EFNA5: variants seen among roughly 807,000 people sequenced by gnomAD.
EFNA5 encodes the protein ephrin A5.
EFNA5 carries 5 observed loss-of-function variants against 22.9 expected under a neutral mutation model. That is an observed-to-expected ratio of 0.22 (90% CI 0.11 to 0.46). EFNA5 has a LOEUF of 0.46. Ranked by LOEUF, EFNA5 falls within the 20% of genes least tolerant of loss-of-function variation. The probability of loss-of-function intolerance (pLI) is 0.99; values close to 1 mark genes in which losing one functional copy is unlikely to be tolerated. For synonymous variants in EFNA5, 113 were observed against 112.2 expected, an observed-to-expected ratio of 1.01 and a Z score of -0.04; for missense variants, 237 against 293.3, an observed-to-expected ratio of 0.81 and a Z score of 1.40.
At chr5:107,552,752 A>C (rs1239210902) in intron 1 of EFNA5, among the ~76,000 whole-genome samples, 1 of 152,230 alleles carries the variant, frequency 6.6e-6, no homozygotes, top group Admixed American at 6.5e-5. Context: ...AAATTCAGAG[A>C]AGAATGTTCT....
chr5:107,654,424 T>A (rs1321995055), intron 1 of EFNA5, among the ~76,000 whole-genome samples: 1 of 152,114 alleles, frequency 6.6e-6, no homozygotes, highest in East Asian at 1.9e-4. Flanking sequence ...TGATTAAGGC[T>A]ATATAAAATT....
At position 107,665,493 on chromosome 5, in the gene EFNA5, A is replaced by C. The variant is rs566381777; in HGVS notation, c.125+4996T>G. ...AACAAGATATTAGTTCAGTGAGCTG[A>C]TGGTTTAGTTATTACCACTAAAATC... On this transcript the variant is annotated intron_variant, in intron 1 of 4. Transcript: ENST00000333274. Among the ~76,000 whole-genome samples, 143 of 152,236 alleles carry C rather than the reference A, an allele frequency of 9.4e-4. 1 individual carries two copies. The highest frequency in any genetic ancestry group is 1.7e-3 in the Non-Finnish European group (119 of 68,042).
intron 2 of EFNA5, among the ~76,000 whole-genome samples, chr5:107,396,565 G>A (rs142534917): frequency 1.3e-5 from 2 of 152,288 alleles, no homozygotes; most frequent in Admixed American, 6.5e-5. Flanking sequence ...ATATGGAGGA[G>A]GAAGGGCTCA....
At chr5:107,460,762 T>C (rs1312630365) in intron 1 of EFNA5, among the ~76,000 whole-genome samples, 1 of 152,170 alleles carries the variant, frequency 6.6e-6, no homozygotes, top group Non-Finnish European at 1.5e-5. Flanking sequence ...TCATCAGAGA[T>C]GCTAATCAAT....
chr5:107,572,002 A>C (rs1226885963), intron 1 of EFNA5, among the ~76,000 whole-genome samples: 1 of 152,156 alleles, frequency 6.6e-6, no homozygotes, highest in African/African-American at 2.4e-5. Flanking sequence ...GTTAACAACA[A>C]AAAGAAACTG....
chr5:107,503,716 G>A lies in EFNA5; in HGVS notation c.126-76207C>T, dbSNP rs192522903. Among the ~76,000 whole-genome samples, 90 of 152,290 alleles carry A rather than the reference G, an allele frequency of 5.9e-4. 1 individual carries two copies. The Middle Eastern group carries it at 0.01, about 17-fold the overall frequency. On this transcript the variant is annotated intron_variant, in intron 1 of 4. Coordinates refer to ENST00000333274, the MANE Select transcript of EFNA5 (RefSeq NM_001962.3). Reference sequence around the variant, plus strand: ...TAAGGTCTTAAGGATAAGGCTATTTGTAACCCAAGCTATCAGCAGTCACTT... The same window carrying A: ...TAAGGTCTTAAGGATAAGGCTATTTATAACCCAAGCTATCAGCAGTCACTT...
intron 1 of EFNA5, among the ~76,000 whole-genome samples, chr5:107,589,937 T>C (rs1313302740): frequency 6.6e-6 from 1 of 152,192 alleles, no homozygotes; most frequent in Admixed American, 6.5e-5. Flanking sequence ...CCAGAAAAAG[T>C]GCTCCTGCCT....
chr5:107,490,458 C>G (rs892671712), intron 1 of EFNA5, among the ~76,000 whole-genome samples: 1 of 152,076 alleles, frequency 6.6e-6, no homozygotes, highest in African/African-American at 2.4e-5. Context: ...CCCTGAATTG[C>G]GTGACATTTT....
chr5:107,442,555 G>A (rs1195954183), intron 1 of EFNA5, among the ~76,000 whole-genome samples: 1 of 152,088 alleles, frequency 6.6e-6, no homozygotes, highest in Non-Finnish European at 1.5e-5. Context: ...TGAGCTGATT[G>A]TATTATCAAC....
At chr5:107,516,016 C>G (rs1351052446) in intron 1 of EFNA5, among the ~76,000 whole-genome samples, 1 of 152,124 alleles carries the variant, frequency 6.6e-6, no homozygotes, top group African/African-American at 2.4e-5. Context: ...AATTTTATTT[C>G]ATTTTTGAGA....
intron 1 of EFNA5, among the ~76,000 whole-genome samples, chr5:107,604,178 TTTTA>T (rs1481284737): frequency 1.3e-5 from 2 of 152,128 alleles, no homozygotes; most frequent in Non-Finnish European, 2.9e-5. Flanking sequence ...AATATTAATC[TTTTA>T]TTTATTTATT....
At chr5:107,652,801 T>C (rs1388525501) in intron 1 of EFNA5, among the ~76,000 whole-genome samples, 3 of 152,112 alleles carry the variant, frequency 2.0e-5, no homozygotes, top group Admixed American at 2.0e-4. Flanking sequence ...GTTCTTAAAC[T>C]GAATGGTAAA....
At chr5:107,640,615 AAAAC>A (rs897405285) in intron 1 of EFNA5, among the ~76,000 whole-genome samples, 7 of 152,240 alleles carry the variant, frequency 4.6e-5, no homozygotes, top group African/African-American at 1.2e-4. Context: ...AAGAACACAG[AAAAC>A]AAACAGAGAG....
At chr5:107,587,693 A>G (rs548909040) in intron 1 of EFNA5, among the ~76,000 whole-genome samples, 3 of 152,130 alleles carry the variant, frequency 2.0e-5, no homozygotes, top group East Asian at 3.9e-4. Context: ...ATTTTTTTGT[A>G]TTTTTAGTAG....
chr5:107,499,039 A>C (rs1747065901), intron 1 of EFNA5, among the ~76,000 whole-genome samples: 1 of 152,148 alleles, frequency 6.6e-6, no homozygotes, highest in African/African-American at 2.4e-5. Context: ...TGAGATTTCC[A>C]TTGGAAACAG....
intron 1 of EFNA5, among the ~76,000 whole-genome samples, chr5:107,497,120 TGG>T (rs1561412959): frequency 2.6e-5 from 4 of 152,204 alleles, no homozygotes; most frequent in Non-Finnish European, 4.4e-5. Context: ...TAAGTTGCCA[TGG>T]TATCGCGAGC....
intron 1 of EFNA5, among the ~76,000 whole-genome samples, chr5:107,664,518 A>C (rs1474421272): frequency 1.3e-5 from 2 of 152,166 alleles, no homozygotes; most frequent in Non-Finnish European, 2.9e-5. Flanking sequence ...TGATAATATA[A>C]ATCAGGCCCT....
At chr5:107,469,987 C>T (rs1311353319) in intron 1 of EFNA5, among the ~76,000 whole-genome samples, 18 of 151,998 alleles carry the variant, frequency 1.2e-4, no homozygotes, top group East Asian at 1.9e-4. Context: ...ATGCGAACAC[C>T]GTTAACAGTA....
At chr5:107,554,446 T>C (rs997468879) in intron 1 of EFNA5, among the ~76,000 whole-genome samples, 3 of 152,196 alleles carry the variant, frequency 2.0e-5, no homozygotes, top group Non-Finnish European at 4.4e-5. Context: ...ATGACACTGA[T>C]ATGGGAAAAA....
Sources: allele counts gnomAD v4.1 joint callset (sites outside exome capture counted in the v4.1 genomes callset), GRCh38; gene constraint gnomAD v4.1.1; transcripts MANE v1.5; gene names NCBI Gene and HGNC (gene_info 2026-07-23, HGNC 2026-07-21).